DOCK2: variants seen among roughly 807,000 people sequenced by gnomAD.
DOCK2 encodes the protein dedicator of cytokinesis 2.
DOCK2 carries 87 observed loss-of-function variants against 248.9 expected under a neutral mutation model. The ratio of observed to expected loss-of-function variants is 0.35; its 90% CI spans 0.29 to 0.42. DOCK2 has a LOEUF of 0.42. DOCK2 is among the 10% of genes least tolerant of loss of function. DOCK2 has a pLI of 1.00. For synonymous variants in DOCK2, 805 were observed against 821.6 expected, an observed-to-expected ratio of 0.98 and a Z score of 0.35; for missense variants, 1,747 against 2,300.2, an observed-to-expected ratio of 0.76 and a Z score of 4.92.
intron 27 of DOCK2, among the ~76,000 whole-genome samples, chr5:169,979,850 G>A (rs1777878129): frequency 2.0e-5 from 3 of 152,138 alleles, no homozygotes; most frequent in African/African-American, 7.2e-5. Flanking sequence ...CTAATGAAAA[G>A]ATAATGGTTT....
At chr5:169,955,858 T>C (rs1581468696) in intron 27 of DOCK2, among the ~76,000 whole-genome samples, 1 of 152,178 alleles carries the variant, frequency 6.6e-6, no homozygotes, top group East Asian at 1.9e-4. Context: ...TGTCTCATGG[T>C]CAAGGTGGCC....
chr5:169,810,458 G>A (rs1296528804), intron 26 of DOCK2, among the ~76,000 whole-genome samples: 1 of 152,190 alleles, frequency 6.6e-6, no homozygotes. Flanking sequence ...TCAGGCATTC[G>A]TATCTAAAAG....
At chr5:170,049,912 AG>A (rs1756854534) in intron 40 of DOCK2, among the ~76,000 whole-genome samples, 2 of 152,252 alleles carry the variant, frequency 1.3e-5, no homozygotes, top group African/African-American at 4.8e-5. Context: ...GGCCCATTAC[AG>A]GCAACGGGGA....
intron 46 of DOCK2, among the ~76,000 whole-genome samples, chr5:170,069,923 T>C (rs1219352820): frequency 1.3e-5 from 2 of 152,140 alleles, no homozygotes; most frequent in African/African-American, 4.8e-5. Flanking sequence ...AGCCTGCACT[T>C]CTATTCCTTG....
At chr5:170,046,752 C>A (rs1003115714) in intron 39 of DOCK2, among the ~76,000 whole-genome samples, 2 of 149,916 alleles carry the variant, frequency 1.3e-5, no homozygotes, top group Admixed American at 1.3e-4. Context: ...AATGCCTATG[C>A]CCAAGACACA....
intron 27 of DOCK2, among the ~76,000 whole-genome samples, chr5:169,901,059 C>A (rs928216893): frequency 1.3e-5 from 2 of 152,002 alleles, no homozygotes; most frequent in Non-Finnish European, 2.9e-5. Flanking sequence ...GATGTTGTGA[C>A]CAAAAAATAG....
At chr5:170,009,462 C>T (rs1016996038) in intron 32 of DOCK2, among the ~76,000 whole-genome samples, 1 of 152,196 alleles carries the variant, frequency 6.6e-6, no homozygotes, top group Non-Finnish European at 1.5e-5. Flanking sequence ...TCCACAAGGA[C>T]AGGGGCTATA....
Position 169,759,711 on chromosome 5 carries a change from G to T in DOCK2, c.2383G>T (p.Ala795Ser). 6.2e-7 allele frequency: 1 copy of T among 1,613,964 alleles called. No individual in the cohort carries two copies. The highest frequency in any genetic ancestry group is 8.5e-7 in the Non-Finnish European group (1 of 1,179,876). The change falls in exon 24 of 52, where the codon GCT (alanine) becomes TCT (serine). Residue 795 changes from alanine (A) to serine (S), a missense_variant. Physicochemically the swap from Ala to Ser is moderately conservative, Grantham distance 99. Coordinates refer to ENST00000520908, the MANE Select transcript of DOCK2 (RefSeq NM_004946.3). ...YKTTILLQVA[A>S]LKYIPSVLHD... ...TATTTTACATTCCACCTAGGTGGCG[G>T]CTTTGAAATACATCCCATCTGTCCT...
At position 169,983,184 on chromosome 5, in the gene DOCK2, T is replaced by C. The variant is rs201529422; in HGVS notation, c.2898+18T>C. 1.1e-4 allele frequency: 185 copies of C among 1,613,338 alleles called. 1 individual carries two copies. The East Asian group carries it at 3.8e-3, about 33-fold the overall frequency. On this transcript the variant is annotated intron_variant, in intron 28 of 51. Coordinates refer to ENST00000520908, the MANE Select transcript of DOCK2 (RefSeq NM_004946.3). ...AACTTGTGGTGAGTCTGCAGGATGC[T>C]GGGGGTGAGGAAGAACTCTTCCATC...
At chr5:169,970,314 T>C (rs1375469627) in intron 27 of DOCK2, among the ~76,000 whole-genome samples, 1 of 152,256 alleles carries the variant, frequency 6.6e-6, no homozygotes, top group African/African-American at 2.4e-5. Context: ...CAAACCTGGA[T>C]ACCTATTTGG....
intron 23 of DOCK2, among the ~76,000 whole-genome samples, chr5:169,749,724 C>T (rs10055786): frequency 0.023 from 3,477 of 152,220 alleles, 147 homozygotes; most frequent in African/African-American, 0.08. Flanking sequence ...TTCTTTAGTC[C>T]CTGCTGGGGA....
chr5:169,704,886 G>T (rs917432798), intron 14 of DOCK2, among the ~76,000 whole-genome samples: 1 of 151,910 alleles, frequency 6.6e-6, no homozygotes, highest in Non-Finnish European at 1.5e-5. Flanking sequence ...ATGCTGCTGG[G>T]CACAGCGGCT....
At chr5:170,053,758 G>C (rs1490501025) in intron 41 of DOCK2, among the ~76,000 whole-genome samples, 13 of 152,352 alleles carry the variant, frequency 8.5e-5, no homozygotes, top group East Asian at 1.9e-4. Flanking sequence ...ACAGGCATCA[G>C]AAGTAAATCA....
intron 27 of DOCK2, among the ~76,000 whole-genome samples, chr5:169,979,008 A>G (rs1263511462): frequency 1.3e-5 from 2 of 152,208 alleles, no homozygotes; most frequent in Non-Finnish European, 2.9e-5. Flanking sequence ...TGTTTTAAGA[A>G]GCAATTTCCC....
rs1760592586 is a variant in DOCK2, at chr5:169,695,923, C to T, written c.964C>T (p.Pro322Ser). Residue 322 changes from proline (P) to serine (S), a missense_variant, in exon 10 of 52, where the codon CCC becomes TCC. By Grantham distance (74) the Pro-to-Ser change is moderately conservative (BLOSUM62 -1). Around this residue, in one of 4 missense-constraint regions of DOCK2, gnomAD observed 375 missense variants for 510.9 expected, o/e 0.73. Transcript: ENST00000520908. ...GAAGTGCACGCAGGGACTGAGGAGGCCCTTTGGGGTGGCAGGTAAGGGGCA... is the reference window on the plus strand; with the variant it reads ...GAAGTGCACGCAGGGACTGAGGAGGTCCTTTGGGGTGGCAGGTAAGGGGCA... ...AKKCTQGLRR[P>S]FGVAVMDITD... 2 of 1,603,086 alleles carry T rather than the reference C, an allele frequency of 1.2e-6. No individual in the cohort carries two copies. The highest frequency in any genetic ancestry group is 1.7e-6 in the Non-Finnish European group (2 of 1,174,946).
intron 40 of DOCK2, among the ~76,000 whole-genome samples, chr5:170,048,841 T>C (rs1394059268): frequency 2.0e-5 from 3 of 152,336 alleles, no homozygotes; most frequent in East Asian, 1.9e-4. Flanking sequence ...CTTCAGTCTG[T>C]GAGCCTATGG....
intron 41 of DOCK2, among the ~76,000 whole-genome samples, chr5:170,052,046 G>A (rs1756935969): frequency 6.6e-6 from 1 of 152,152 alleles, no homozygotes; most frequent in South Asian, 2.1e-4. Flanking sequence ...GCTGAGCCAG[G>A]GAGCACATTA....
chr5:169,667,979 G>T (rs1170326173), intron 2 of DOCK2, among the ~76,000 whole-genome samples: 3 of 152,318 alleles, frequency 2.0e-5, no homozygotes, highest in African/African-American at 7.2e-5. Context: ...ACATTGAGAA[G>T]TTGGAAATAT....
At chr5:169,915,755 G>A (rs1339508802) in intron 27 of DOCK2, among the ~76,000 whole-genome samples, 1 of 152,146 alleles carries the variant, frequency 6.6e-6, no homozygotes, top group Non-Finnish European at 1.5e-5. Flanking sequence ...GGGCCAATGA[G>A]CAAAGTGTTT....
Sources: allele counts gnomAD v4.1 joint callset (sites outside exome capture counted in the v4.1 genomes callset), GRCh38; gene constraint gnomAD v4.1.1; regional missense constraint gnomAD v4.1.1; transcripts MANE v1.5; gene names NCBI Gene and HGNC (gene_info 2026-07-23, HGNC 2026-07-21).